RNF114: variants seen among roughly 807,000 people sequenced by gnomAD.
The protein encoded by RNF114 is E3 ubiquitin-protein ligase RNF114.
RNF114 carries 6 observed loss-of-function variants against 28.4 expected under a neutral mutation model. That is an observed-to-expected ratio of 0.21 (90% CI 0.12 to 0.42). The LOEUF (loss-of-function observed/expected upper bound fraction) is 0.42. Among genes scored for constraint, RNF114 ranks in the 10% least tolerant of loss-of-function variants. The pLI is 1.00. For synonymous variants in RNF114, 115 were observed against 116.7 expected (o/e 0.99, Z 0.09); for missense variants, 249 against 311.7 (o/e 0.80, Z 1.51).
At chr20:49,948,373 A>G (rs891060483) in intron 4 of RNF114, among the ~76,000 whole-genome samples, 13 of 151,634 alleles carry the variant, frequency 8.6e-5, no homozygotes, top group African/African-American at 2.9e-4. Flanking sequence ...ATGTGTTGAC[A>G]GTAACTGCCG....
chr20:49,946,409 C>T (rs1373390314), intron 4 of RNF114, among the ~76,000 whole-genome samples, 159 bp downstream of exon 4: 2 of 152,128 alleles, frequency 1.3e-5, no homozygotes, highest in African/African-American at 4.8e-5. Context: ...CTCTATAGTA[C>T]ACATTTTTTG....
At chr20:49,945,538 A>G in intron 3 of RNF114, 50 bp downstream of exon 3, 1 of 661,662 alleles carries the variant, frequency 1.5e-6, no homozygotes, top group Non-Finnish European at 2.4e-6. Context: ...TGCTATTAAT[A>G]CAAAGAGGTT....
At chr20:49,950,911 C>T (rs903733365) in intron 5 of RNF114, among the ~76,000 whole-genome samples, 3 of 152,118 alleles carry the variant, frequency 2.0e-5, no homozygotes, top group Admixed American at 6.5e-5. Context: ...AGGAAAATTT[C>T]ACAGGAGGTT....
rs555111973 is a variant in RNF114, at chr20:49,952,284, G to A, written c.*143G>A. ...TGGGACAGGGTCACTTCTGACAGGGGAAGTGGGTCCCCAGGTCAGCCCTTC... is the reference window on the plus strand; with the variant it reads ...TGGGACAGGGTCACTTCTGACAGGGAAAGTGGGTCCCCAGGTCAGCCCTTC... On this transcript the variant is annotated 3_prime_UTR_variant, in exon 6 of 6. Coordinates refer to ENST00000244061, the MANE Select transcript of RNF114 (RefSeq NM_018683.4). 3 of 733,750 alleles carry A rather than the reference G, an allele frequency of 4.1e-6. No individual in the cohort carries two copies. Among genetic ancestry groups the A allele is most frequent in the East Asian group, 5.2e-5 (2 of 38,360 alleles). The allele number at this position is 733,750 out of a possible 1,614,324, so 45.5% of individuals were successfully genotyped here.
intron 1 of RNF114, 84 bp downstream of exon 1, chr20:49,936,636 G>C (rs920319751): frequency 2.0e-6 from 3 of 1,496,418 alleles, no homozygotes; most frequent in East Asian, 2.8e-5. Context: ...CTCAGGGCGG[G>C]AGCCAGAGGA....
chr20:49,936,513 A>G lies in RNF114; in HGVS notation c.101A>G (p.Glu34Gly). ...CGCTTCACGTGTCCCGTGTGCTTAG[A>G]GGTGTACGAGAAGCCGGTACAGGTG... ...LGRFTCPVCL[E>G]VYEKPVQVPC... The change falls in exon 1 of 6, where the codon GAG becomes GGG. Residue 34 changes from glutamate (E) to glycine (G), a missense_variant. By Grantham distance (98) the Glu-to-Gly change is moderately conservative. Coordinates refer to ENST00000244061, the MANE Select transcript of RNF114 (RefSeq NM_018683.4). The G allele has an allele frequency of 6.3e-7, 1 of 1,583,310 alleles. No individual in the cohort carries two copies.
chr20:49,941,474 C>A, intron 1 of RNF114, 87 bp from the exon 2 acceptor site: 2 of 1,410,674 alleles, frequency 1.4e-6, no homozygotes, highest in South Asian at 1.4e-5. Flanking sequence ...ACTCCATTAT[C>A]CATTGATGTC....
At chr20:49,948,626 A>T (rs2146859335) in intron 4 of RNF114, among the ~76,000 whole-genome samples, 1 of 151,968 alleles carries the variant, frequency 6.6e-6, no homozygotes, top group East Asian at 1.9e-4. Flanking sequence ...TTAGTAGAGA[A>T]GATGTTTCAC....
At chr20:49,939,568 G>A (rs1021211770) in intron 1 of RNF114, among the ~76,000 whole-genome samples, 47 of 152,216 alleles carry the variant, frequency 3.1e-4, no homozygotes, top group African/African-American at 1.0e-3. Context: ...TAGGCTTCAG[G>A]ATAGGAACTC....
chr20:49,941,748 C>T, intron 2 of RNF114, 37 bp downstream of exon 2: 4 of 1,596,694 alleles, frequency 2.5e-6, no homozygotes, highest in Non-Finnish European at 3.4e-6. Context: ...CATGTCTTTC[C>T]ATGATAAGTT....
chr20:49,949,140 A>G (rs1379502955), intron 4 of RNF114, 108 bp from the exon 5 acceptor site: 10 of 832,076 alleles, frequency 1.2e-5, no homozygotes, highest in Non-Finnish European at 1.9e-5. Context: ...GGCCCTGGAC[A>G]GTATGTCAGG....
At chr20:49,940,722 C>G (rs891317692) in intron 1 of RNF114, among the ~76,000 whole-genome samples, 3 of 149,724 alleles carry the variant, frequency 2.0e-5, no homozygotes, top group African/African-American at 7.4e-5. Context: ...TGAGCTGAAC[C>G]CTTTTAAGGC....
At chr20:49,942,463 T>C (rs2090311512) in intron 2 of RNF114, among the ~76,000 whole-genome samples, 1 of 152,208 alleles carries the variant, frequency 6.6e-6, no homozygotes, top group East Asian at 1.9e-4. Flanking sequence ...TTTTTAAAAT[T>C]GCAGACCATA....
chr20:49,937,001 A>T (rs1205858953), intron 1 of RNF114, among the ~76,000 whole-genome samples: 1 of 152,202 alleles, frequency 6.6e-6, no homozygotes, highest in Non-Finnish European at 1.5e-5. Flanking sequence ...AGAAACGCTG[A>T]ACTAGACTAA....
In RNF114 at chr20:49,952,201, G is replaced by A; in HGVS notation, c.*60G>A. The A allele has an allele frequency of 7.0e-7, 1 of 1,419,030 alleles. No individual in the cohort carries two copies. The highest frequency in any genetic ancestry group is 1.0e-6 in the Non-Finnish European group (1 of 1,001,988). The allele number at this position is 1,419,030 out of a possible 1,614,324, so 87.9% of individuals were successfully genotyped here. ...AGAGCTTCCATTACATATTAAACGT[G>A]AAATCTATGACTCCTGTACCTTACC... is the stretch of plus-strand genomic sequence containing the variant. On this transcript the variant is annotated 3_prime_UTR_variant, in exon 6 of 6. Transcript: ENST00000244061.
At chr20:49,947,951 C>T (rs2090340719) in intron 4 of RNF114, among the ~76,000 whole-genome samples, 1 of 151,374 alleles carries the variant, frequency 6.6e-6, no homozygotes, top group Non-Finnish European at 1.5e-5. Context: ...GCCACCATGC[C>T]CGGCTAATTT....
Position 49,936,491 on chromosome 20 carries a change from T to C in RNF114, c.79T>C (p.Phe27Leu), listed in dbSNP as rs1208775750. The C allele has an allele frequency of 1.9e-5, 30 of 1,569,914 alleles. No individual in the cohort carries two copies. Among genetic ancestry groups the C allele is most frequent in the Admixed American group, 3.8e-5 (2 of 53,270 alleles). ...GGCGGAGGCTGACCCCCTAGGACGC[T>C]TCACGTGTCCCGTGTGCTTAGAGGT... The part of the protein sequence containing the change: ...PAAEADPLGR[F>L]TCPVCLEVYE... The change falls in exon 1 of 6, where the codon TTC becomes CTC. Residue 27 changes from phenylalanine to leucine, a missense_variant. By Grantham distance (22) the Phe-to-Leu change is conservative. Coordinates refer to ENST00000244061, the MANE Select transcript of RNF114 (RefSeq NM_018683.4).
rs1418194189 is a variant in RNF114 at position 49,948,808 on chromosome 20, G to T, written c.514-440G>T. Among the ~76,000 whole-genome samples the T allele has an allele frequency of 3.9e-5, 6 of 152,236 alleles. No homozygotes were observed. The East Asian group carries it at 1.2e-3, about 29-fold the overall frequency. On this transcript the variant is annotated intron_variant, in intron 4 of 5. Coordinates refer to ENST00000244061, the MANE Select transcript of RNF114 (RefSeq NM_018683.4). ...TCTTCAAAAACCAAATCAACCTTTT[G>T]TGTGAGGGCTTTTCAGCCTGATCCC...
intron 5 of RNF114, among the ~76,000 whole-genome samples, chr20:49,950,704 AACAC>A (rs199813309): frequency 6.6e-6 from 1 of 151,424 alleles, no homozygotes; most frequent in African/African-American, 2.4e-5. Flanking sequence ...AAAAAAACAA[AACAC>A]ACACACACAA....
Sources: gnomAD v4.1 joint callset for allele counts (sites outside exome capture counted in the v4.1 genomes callset) on GRCh38, gnomAD v4.1.1 for gene constraint, MANE v1.5 for transcripts, NCBI Gene and HGNC (gene_info 2026-07-23, HGNC 2026-07-21) for gene names.